Variants in NUDT4 observed in about 807,000 individuals in gnomAD.
NUDT4 encodes diphosphoinositol polyphosphate phosphohydrolase 2.
NUDT4 carries 5 observed loss-of-function variants against 23.1 expected under a neutral mutation model. That is an observed-to-expected ratio of 0.22 (90% CI 0.11 to 0.46). NUDT4 has a LOEUF of 0.46. Ranked by LOEUF, NUDT4 falls within the 20% of genes least tolerant of loss-of-function variation. The pLI, the probability that NUDT4 is intolerant of heterozygous loss-of-function variation, is 0.99. For synonymous variants in NUDT4, 50 were observed against 79.0 expected, an observed-to-expected ratio of 0.63 and a Z score of 1.95; for missense variants, 96 against 211.6, an observed-to-expected ratio of 0.45 and a Z score of 3.39.
intron 2 of NUDT4, among the ~76,000 whole-genome samples, chr12:93,395,152 A>G (rs577160676): frequency 1.3e-5 from 2 of 152,222 alleles, no homozygotes; most frequent in East Asian, 3.9e-4. Context: ...CCTGGCCTTA[A>G]TTTTTGTATT....
Position 93,391,160 on chromosome 12 carries a change from CA to C in NUDT4, c.100-3448del, listed in dbSNP as rs1327320357. On this transcript the variant is annotated intron_variant, in intron 1 of 4. Transcript: ENST00000415493. Reference sequence around the variant, plus strand: ...GCATTTAAAAGAAAAAAAAATCAGTCATGGCTCTTGCCTGTAATCCCAGTTG... The same window carrying C: ...GCATTTAAAAGAAAAAAAAATCAGTCTGGCTCTTGCCTGTAATCCCAGTTG... Among the ~76,000 whole-genome samples the C allele has an allele frequency of 3.3e-5, 5 of 152,194 alleles. No individual in the cohort carries two copies. The East Asian group carries it at 9.7e-4, about 29-fold the overall frequency.
intron 1 of NUDT4, among the ~76,000 whole-genome samples, chr12:93,380,489 T>C (rs991203345): frequency 6.6e-6 from 1 of 152,222 alleles, no homozygotes; most frequent in African/African-American, 2.4e-5. Flanking sequence ...TTGGAGAATG[T>C]ATTAGAAAAA....
In NUDT4 at chr12:93,406,084, T is replaced by A. The variant is rs1877796039; in HGVS notation, c.*6705T>A. 1 of 151,952 alleles carries A rather than the reference T, an allele frequency of 6.6e-6. No individual in the cohort carries two copies. Among genetic ancestry groups the A allele is most frequent in the East Asian group, 1.9e-4 (1 of 5,174 alleles). The allele number at this position is 151,952 out of a possible 1,614,324, so 9.4% of individuals were successfully genotyped here. On this transcript the variant is annotated 3_prime_UTR_variant, in exon 5 of 5. Transcript: ENST00000415493. ...AGATGGAGACCATCCTGGCCCAACA[T>A]GGTGAAACCCCGTCTCTACTAAAAA...
intron 1 of NUDT4, among the ~76,000 whole-genome samples, chr12:93,379,912 C>T (rs1477524982): frequency 3.3e-5 from 5 of 152,172 alleles, no homozygotes; most frequent in Non-Finnish European, 1.5e-5. Context: ...GTCTGGTTTC[C>T]TCAATATTGT....
Position 93,378,539 on chromosome 12 carries a change from C to G in NUDT4, c.99+118C>G, listed in dbSNP as rs1875377062. ...GGGCTGGGAGGGATTAGCCCCCTTC[C>G]TCCCTCCCTCCTTTCCTCCCTCACT... On this transcript the variant is annotated intron_variant, in intron 1 of 4. Coordinates refer to ENST00000415493, the MANE Select transcript of NUDT4 (RefSeq NM_019094.6). 4 of 1,290,818 alleles carry G rather than the reference C, an allele frequency of 3.1e-6. No individual in the cohort carries two copies. In the East Asian group the frequency reaches 9.4e-5, roughly 30 times the overall value. The allele number at this position is 1,290,818 out of a possible 1,614,324, so 80.0% of individuals were successfully genotyped here. A position where few individuals can be genotyped will look rare whatever the true frequency, so the allele number is the denominator to read the frequency against.
Position 93,381,266 on chromosome 12 carries a change from TTTTG to T in NUDT4, c.99+2849_99+2852del, listed in dbSNP as rs1487163200. Among the ~76,000 whole-genome samples the T allele has an allele frequency of 5.3e-5, 8 of 152,172 alleles. 1 individual carries two copies. The highest frequency in any genetic ancestry group is 5.2e-4 in the Admixed American group (8 of 15,274). ...AGCTCTGGTCCTTTGTTTCTAAATG[TTTTG>T]TTTATTTGACCTACCTCCCCAGCTA... is the stretch of plus-strand genomic sequence containing the variant. On this transcript the variant is annotated intron_variant, in intron 1 of 4. Transcript: ENST00000415493.
chr12:93,393,718 A>G (rs1876721925), intron 1 of NUDT4, among the ~76,000 whole-genome samples: 1 of 152,186 alleles, frequency 6.6e-6, no homozygotes, highest in East Asian at 1.9e-4. Context: ...GCTGCCTGTT[A>G]GAAGAATGAA....
rs376360899 is a variant in NUDT4 at position 93,384,369 on chromosome 12, A to G, written c.99+5948A>G. Among the ~76,000 whole-genome samples, 211 of 152,092 alleles carry G rather than the reference A, an allele frequency of 1.4e-3. 2 individuals are homozygous for G. The highest frequency in any genetic ancestry group is 4.8e-3 in the African/African-American group (200 of 41,494). ...TTTTTAGTAGAGACGGCGTTTCACT[A>G]TGTTGGCCAGGATGGTCTTGATCTC... On this transcript the variant is annotated intron_variant, in intron 1 of 4. Transcript: ENST00000415493.
In NUDT4 at chr12:93,404,193, A is replaced by T. The variant is rs1877668041; in HGVS notation, c.*4814A>T. 6.6e-6 allele frequency: 1 copy of T among 152,242 alleles called. No homozygotes were observed. Among genetic ancestry groups the T allele is most frequent in the South Asian group, 2.1e-4 (1 of 4,830 alleles). 9.4% of individuals were successfully genotyped at this position (152,242 alleles called of 1,614,324 possible). On this transcript the variant is annotated 3_prime_UTR_variant, in exon 5 of 5. Transcript: ENST00000415493. ...CCTTAAGAAACATGCCTATTGACGA[A>T]GTAAATATACTAGGAATTCAACGTA...
Position 93,407,620 on chromosome 12 carries a change from T to C in NUDT4, c.*8241T>C, listed in dbSNP as rs974975724. 3.3e-5 allele frequency: 5 copies of C among 152,212 alleles called. No homozygotes were observed. The highest frequency in any genetic ancestry group is 4.8e-5 in the African/African-American group (2 of 41,460). 9.4% of individuals were successfully genotyped at this position (152,212 alleles called of 1,614,324 possible). ...GCACAAAGGTGGGTCAGGTCTACTG[T>C]TGCCAGATCTTCAGATCATTCAAAA... On this transcript the variant is annotated 3_prime_UTR_variant, in exon 5 of 5. Coordinates refer to ENST00000415493, the MANE Select transcript of NUDT4 (RefSeq NM_019094.6).
chr12:93,398,987 A>ATT lies in NUDT4; in HGVS notation c.340+144_340+145dup, dbSNP rs60307643. 2,557 of 679,412 alleles carry ATT rather than the reference A, an allele frequency of 3.8e-3. 1 individual carries two copies. The highest frequency in any genetic ancestry group is 0.026 in the South Asian group (1,197 of 46,314). 42.1% of individuals were successfully genotyped at this position (679,412 alleles called of 1,614,324 possible). A position where few individuals can be genotyped will look rare whatever the true frequency, so the allele number is the denominator to read the frequency against. On this transcript the variant is annotated intron_variant, in intron 4 of 4. Transcript: ENST00000415493. ...TTCCTGTGTCCAGTTTCCATCCTAG[A>ATT]TTTTTTTTTTTTTGGTCACTTTTCA...
At chr12:93,378,647 C>G in intron 1 of NUDT4, 1 of 1,196,532 alleles carries the variant, frequency 8.4e-7, no homozygotes, top group Non-Finnish European at 1.0e-6. Context: ...GTTTCTCCAT[C>G]TGGGCACTCG....
chr12:93,399,073 C>G, intron 4 of NUDT4, 104 bp from the exon 5 acceptor site: 1 of 819,518 alleles, frequency 1.2e-6, no homozygotes, highest in Non-Finnish European at 2.0e-6. Flanking sequence ...TATTCCCCAA[C>G]ATATTGTTGT....
chr12:93,398,456 CAGGAGGT>C (rs1407681200), intron 3 of NUDT4, among the ~76,000 whole-genome samples: 4 of 151,816 alleles, frequency 2.6e-5, no homozygotes, highest in African/African-American at 7.3e-5. Flanking sequence ...AAGGCCAAAG[CAGGAGGT>C]TCCCTTGAGG....
chr12:93,383,202 C>T (rs1875817398), intron 1 of NUDT4, among the ~76,000 whole-genome samples: 2 of 151,926 alleles, frequency 1.3e-5, no homozygotes, highest in South Asian at 4.1e-4. Context: ...TGATTTACAA[C>T]ATTATTGATA....
intron 1 of NUDT4, among the ~76,000 whole-genome samples, chr12:93,390,825 AC>A (rs1876443383): frequency 6.6e-6 from 1 of 152,030 alleles, no homozygotes; most frequent in South Asian, 2.1e-4. Flanking sequence ...GGCTGTTCTC[AC>A]ACCTGCCCGC....
chr12:93,382,593 T>G (rs1473914823), intron 1 of NUDT4, among the ~76,000 whole-genome samples: 1 of 152,100 alleles, frequency 6.6e-6, no homozygotes, highest in South Asian at 2.1e-4. Flanking sequence ...GGGCTCATAG[T>G]TCTTCAGAGT....
rs538305601 is a variant in NUDT4, at chr12:93,384,585, T to C, written c.99+6164T>C. 2.0e-5 allele frequency among the ~76,000 whole-genome samples: 3 copies of C among 152,242 alleles called. No homozygotes were observed. The South Asian group carries it at 6.2e-4, about 32-fold the overall frequency. ...GCTAAAAAAGTAATAATTGCAAAAA[T>C]ATTTTATAATATTTTAAGAAAGTTT... is the stretch of plus-strand genomic sequence containing the variant. On this transcript the variant is annotated intron_variant, in intron 1 of 4. Coordinates refer to ENST00000415493, the MANE Select transcript of NUDT4 (RefSeq NM_019094.6).
intron 1 of NUDT4, among the ~76,000 whole-genome samples, chr12:93,391,209 C>T (rs781193564): frequency 2.0e-5 from 3 of 152,068 alleles, no homozygotes; most frequent in Admixed American, 6.6e-5. Flanking sequence ...GAGAAGATCA[C>T]TTGAGCCCAT....
Sources: allele counts gnomAD v4.1 joint callset (sites outside exome capture counted in the v4.1 genomes callset), GRCh38; gene constraint gnomAD v4.1.1; transcripts MANE v1.5; gene names NCBI Gene and HGNC (gene_info 2026-07-23, HGNC 2026-07-21).